Variants in ATG10 observed in about 807,000 individuals in gnomAD.
ATG10 encodes autophagy related 10.
A neutral mutation model predicts 32.1 loss-of-function variants in ATG10; 30 were observed. The observed-to-expected ratio is 0.94, with a 90% CI of 0.70 to 1.27. The LOEUF (loss-of-function observed/expected upper bound fraction) is 1.27. Among genes scored for constraint, ATG10 ranks in the 50% most tolerant of loss-of-function variants. ATG10 has a pLI of 0.00. For synonymous variants in ATG10, 87 were observed against 91.5 expected (o/e 0.95, Z 0.28); for missense variants, 233 against 262.3 (o/e 0.89, Z 0.77).
chr5:82,059,775 C>T (rs1452052467), intron 3 of ATG10, among the ~76,000 whole-genome samples: 6 of 152,102 alleles, frequency 3.9e-5, no homozygotes, highest in Non-Finnish European at 8.8e-5. Context: ...TAACTTTCAC[C>T]TATTTATAAT....
chr5:82,145,800 G>A (rs1767329947), intron 3 of ATG10, among the ~76,000 whole-genome samples: 1 of 151,416 alleles, frequency 6.6e-6, no homozygotes, highest in African/African-American at 2.4e-5. Context: ...TCTGCCTCCT[G>A]GATTCAAGTG....
intron 2 of ATG10, among the ~76,000 whole-genome samples, chr5:82,025,887 C>T (rs1264084004): frequency 6.6e-6 from 1 of 152,102 alleles, no homozygotes; most frequent in African/African-American, 2.4e-5. Flanking sequence ...TTGTCATCAT[C>T]AGTAATTTTA....
At chr5:82,193,721 C>T (rs188139857) in intron 5 of ATG10, among the ~76,000 whole-genome samples, 22 of 152,282 alleles carry the variant, frequency 1.4e-4, no homozygotes, top group Middle Eastern at 3.4e-3. Flanking sequence ...ACTTTTGATT[C>T]GCCAAAGTCT....
chr5:82,201,969 T>C lies in ATG10; in HGVS notation c.453+23382T>C, dbSNP rs547847163. 2.0e-5 allele frequency among the ~76,000 whole-genome samples: 3 copies of C among 152,352 alleles called. No homozygotes were observed. The East Asian group carries it at 5.8e-4, about 29-fold the overall frequency. ...TATATAGAAATACAATTAATTTTTG[T>C]ATATTGTCCATAGGTTCTGAGACCT... On this transcript the variant is annotated intron_variant, in intron 5 of 7. Coordinates refer to ENST00000282185, the MANE Select transcript of ATG10 (RefSeq NM_031482.5).
chr5:82,064,174 C>T (rs1443113435), intron 3 of ATG10, among the ~76,000 whole-genome samples: 1 of 152,090 alleles, frequency 6.6e-6, no homozygotes, highest in East Asian at 1.9e-4. Flanking sequence ...TAAGCAACTG[C>T]ATAAAACAAC....
chr5:81,977,880 C>T (rs960688147), intron 1 of ATG10, among the ~76,000 whole-genome samples: 8 of 152,174 alleles, frequency 5.3e-5, no homozygotes, highest in African/African-American at 1.7e-4. Context: ...GCACATTAGT[C>T]TCATCTCTGA....
chr5:82,155,992 G>T (rs1201203832), intron 3 of ATG10, among the ~76,000 whole-genome samples: 2 of 151,856 alleles, frequency 1.3e-5, no homozygotes, highest in East Asian at 3.9e-4. Flanking sequence ...TAATAGTTTA[G>T]CAAGAATTAA....
chr5:82,253,053 A>G (rs1747327444), intron 6 of ATG10, among the ~76,000 whole-genome samples: 1 of 152,174 alleles, frequency 6.6e-6, no homozygotes, highest in South Asian at 2.1e-4. Flanking sequence ...TAAAATTTGA[A>G]TCATCAAGGG....
chr5:82,025,455 A>G (rs553274315), intron 2 of ATG10, among the ~76,000 whole-genome samples: 1 of 152,308 alleles, frequency 6.6e-6, no homozygotes, highest in Admixed American at 6.5e-5. Context: ...CAGAGGTCCC[A>G]ATCCATGGTT....
At chr5:81,998,596 G>A (rs1170329350) in intron 2 of ATG10, among the ~76,000 whole-genome samples, 1 of 152,170 alleles carries the variant, frequency 6.6e-6, no homozygotes, top group African/African-American at 2.4e-5. Flanking sequence ...AGAGTGGCAA[G>A]TTGGGTAAAG....
intron 5 of ATG10, among the ~76,000 whole-genome samples, chr5:82,241,083 G>T (rs1374461223): frequency 1.3e-5 from 2 of 152,138 alleles, no homozygotes; most frequent in African/African-American, 4.8e-5. Flanking sequence ...AATATAAATT[G>T]ATAAGAAAAT....
intron 5 of ATG10, among the ~76,000 whole-genome samples, chr5:82,211,412 T>C (rs569387293): frequency 2.0e-5 from 3 of 152,314 alleles, no homozygotes; most frequent in South Asian, 2.1e-4. Context: ...TGGGTACTTA[T>C]ATGTATTCCT....
At chr5:82,251,463 C>G (rs548817099) in intron 5 of ATG10, among the ~76,000 whole-genome samples, 1 of 152,250 alleles carries the variant, frequency 6.6e-6, no homozygotes, top group East Asian at 1.9e-4. Flanking sequence ...TAAACTTCAG[C>G]TTTTCTAGGT....
intron 2 of ATG10, among the ~76,000 whole-genome samples, chr5:82,011,505 T>G (rs950982229): frequency 6.6e-6 from 1 of 152,234 alleles, no homozygotes; most frequent in African/African-American, 2.4e-5. Flanking sequence ...CCTTTAGTGA[T>G]TCTTCATTAT....
rs562435123 is a variant in ATG10 at position 82,084,350 on chromosome 5, G to A, written c.216+25748G>A. Among the ~76,000 whole-genome samples, 6 of 152,270 alleles carry A rather than the reference G, an allele frequency of 3.9e-5. No individual in the cohort carries two copies. The South Asian group carries it at 1.2e-3, about 32-fold the overall frequency. The stretch of plus-strand genomic sequence containing the variant: ...AACTATGTGAAAATACCAAATCTAC[G>A]TCTGATTGGTGTACCTGAAAGTGAC... On this transcript the variant is annotated intron_variant, in intron 3 of 7. Coordinates refer to ENST00000282185, the MANE Select transcript of ATG10 (RefSeq NM_031482.5).
At chr5:82,171,869 T>C (rs1488395469) in intron 4 of ATG10, among the ~76,000 whole-genome samples, 1 of 152,222 alleles carries the variant, frequency 6.6e-6, no homozygotes, top group Non-Finnish European at 1.5e-5. Flanking sequence ...GATATGTTTC[T>C]GAAATGCTGA....
chr5:82,138,750 A>G (rs1766884857), intron 3 of ATG10, among the ~76,000 whole-genome samples: 1 of 152,090 alleles, frequency 6.6e-6, no homozygotes, highest in Non-Finnish European at 1.5e-5. Flanking sequence ...AGAAAGTAGT[A>G]TCAATAACAT....
intron 3 of ATG10, among the ~76,000 whole-genome samples, chr5:82,090,540 C>T (rs1207169221): frequency 6.6e-6 from 1 of 152,160 alleles, no homozygotes; most frequent in Non-Finnish European, 1.5e-5. Context: ...ATTTATATAA[C>T]ATTTTTAACA....
intron 1 of ATG10, among the ~76,000 whole-genome samples, chr5:81,978,269 C>T (rs1395906163): frequency 2.0e-5 from 3 of 152,078 alleles, no homozygotes; most frequent in Admixed American, 2.0e-4. Context: ...GGGGTTTCAC[C>T]ATGTTGGTCA....
Sources: allele counts gnomAD v4.1 joint callset (sites outside exome capture counted in the v4.1 genomes callset), GRCh38; gene constraint gnomAD v4.1.1; transcripts MANE v1.5; gene names NCBI Gene and HGNC (gene_info 2026-07-23, HGNC 2026-07-21).